RBFOX1: variants seen among roughly 807,000 people sequenced by gnomAD.
RBFOX1 encodes RNA binding fox-1 homolog 1.
A neutral mutation model predicts 57.7 loss-of-function variants in RBFOX1; 8 were observed. That is an observed-to-expected ratio of 0.14 (90% CI 0.08 to 0.25). The LOEUF is 0.25. Ranked by LOEUF, RBFOX1 falls within the 10% of genes least tolerant of loss-of-function variation. RBFOX1 has a pLI of 1.00. For synonymous variants in RBFOX1, 326 were observed against 222.4 expected (o/e 1.47, Z -4.15); for missense variants, 611 against 548.5 (o/e 1.11, Z -1.14).
At chr16:7,029,059 TATATATATATATATATATATATAC>T (rs2041889700) in intron 3 of RBFOX1, among the ~76,000 whole-genome samples, 1 of 30,242 alleles carries the variant, frequency 3.3e-5, no homozygotes, top group African/African-American at 2.4e-4. Context: ...TATATATATA[TATATATATATATATATATATATAC>T]ACACACACAC....
chr16:7,682,499 C>G (rs1002159727), intron 14 of RBFOX1, among the ~76,000 whole-genome samples: 2 of 150,218 alleles, frequency 1.3e-5, no homozygotes, highest in Non-Finnish European at 3.0e-5. Context: ...AGTCATATCT[C>G]TGTGCCATTT....
chr16:5,795,741 A>G (rs1482078157), intron 3 of RBFOX1, among the ~76,000 whole-genome samples: 1 of 152,190 alleles, frequency 6.6e-6, no homozygotes, highest in Non-Finnish European at 1.5e-5. Context: ...ATATACATTC[A>G]TATATCCCTC....
intron 1 of RBFOX1, among the ~76,000 whole-genome samples, chr16:5,381,433 C>A (rs2066128356): frequency 6.6e-6 from 1 of 152,236 alleles, no homozygotes; most frequent in South Asian, 2.1e-4. Flanking sequence ...AGATCTGGCT[C>A]ACGTGCAGAT....
chr16:7,664,979 A>C lies in RBFOX1; in HGVS notation c.930+11A>C. On this transcript the variant is annotated intron_variant, in intron 13 of 15. Coordinates refer to ENST00000550418, the MANE Select transcript of RBFOX1 (RefSeq NM_018723.4). ...GGTGCAGACATTTATGTAAGTATTCATTCACGTGCATGCCATCCCCGTTTC... is the reference window on the plus strand; with the variant it reads ...GGTGCAGACATTTATGTAAGTATTCCTTCACGTGCATGCCATCCCCGTTTC... 1 of 1,613,940 alleles carries C rather than the reference A, an allele frequency of 6.2e-7. No individual in the cohort carries two copies. Among genetic ancestry groups the C allele is most frequent in the Non-Finnish European group, 8.5e-7 (1 of 1,179,838 alleles).
At chr16:5,573,865 G>A (rs1010773533) in intron 2 of RBFOX1, among the ~76,000 whole-genome samples, 2 of 152,130 alleles carry the variant, frequency 1.3e-5, no homozygotes, top group African/African-American at 4.8e-5. Flanking sequence ...GATGTGTGAG[G>A]ATCACCTGAG....
chr16:7,089,876 C>G (rs986031536), intron 4 of RBFOX1, among the ~76,000 whole-genome samples: 1 of 149,414 alleles, frequency 6.7e-6, no homozygotes, highest in African/African-American at 2.5e-5. Flanking sequence ...CTCAAGTATT[C>G]TGTTTACATC....
chr16:6,541,081 G>A (rs528676975), intron 2 of RBFOX1, among the ~76,000 whole-genome samples: 123 of 152,270 alleles, frequency 8.1e-4, no homozygotes, highest in African/African-American at 2.9e-3. Flanking sequence ...AAAGCTCTAA[G>A]ATATTTCCAA....
At chr16:6,500,860 C>T (rs2095889342) in intron 2 of RBFOX1, among the ~76,000 whole-genome samples, 1 of 46,796 alleles carries the variant, frequency 2.1e-5, no homozygotes, top group African/African-American at 4.7e-5. Flanking sequence ...TCTTTTATCT[C>T]AGCCCTTGGG....
intron 2 of RBFOX1, among the ~76,000 whole-genome samples, chr16:5,557,717 T>TAGA (rs2045732498): frequency 6.6e-6 from 1 of 152,054 alleles, no homozygotes; most frequent in Admixed American, 6.5e-5. Flanking sequence ...AACTACTTGG[T>TAGA]AGAAGAGGGT....
intron 3 of RBFOX1, among the ~76,000 whole-genome samples, chr16:5,841,823 A>G (rs1469952515): frequency 1.3e-5 from 2 of 152,212 alleles, no homozygotes; most frequent in Non-Finnish European, 2.9e-5. Flanking sequence ...CTCGCAGACT[A>G]AAAGAATCAG....
chr16:6,277,466 A>AAAAAAAC (rs1387876820), intron 1 of RBFOX1, among the ~76,000 whole-genome samples: 1 of 150,966 alleles, frequency 6.6e-6, no homozygotes, highest in Admixed American at 6.6e-5. Flanking sequence ...CCCAAAAAAA[A>AAAAAAAC]AAAAAAAAAA....
intron 2 of RBFOX1, among the ~76,000 whole-genome samples, chr16:5,586,994 C>G (rs947487405): frequency 6.6e-6 from 1 of 152,122 alleles, no homozygotes; most frequent in Non-Finnish European, 1.5e-5. Context: ...GATGCCCTTC[C>G]CAGAGCAAAT....
At chr16:6,536,661 G>C (rs868407407) in intron 2 of RBFOX1, among the ~76,000 whole-genome samples, 4 of 152,052 alleles carry the variant, frequency 2.6e-5, no homozygotes, top group African/African-American at 7.2e-5. Flanking sequence ...GGCTTGTGAG[G>C]GTTCTTGGAT....
intron 4 of RBFOX1, among the ~76,000 whole-genome samples, chr16:5,918,524 G>A (rs930832807): frequency 6.6e-6 from 1 of 152,172 alleles, no homozygotes; most frequent in African/African-American, 2.4e-5. Flanking sequence ...GATAGTAAGG[G>A]TTAATAGGCC....
chr16:5,844,993 G>C (rs903307308), intron 3 of RBFOX1, among the ~76,000 whole-genome samples: 4 of 151,886 alleles, frequency 2.6e-5, no homozygotes, highest in Non-Finnish European at 4.4e-5. Flanking sequence ...AGGTATATTA[G>C]CCCAGCACTT....
At chr16:5,680,162 C>G (rs566899632) in intron 3 of RBFOX1, among the ~76,000 whole-genome samples, 1 of 152,192 alleles carries the variant, frequency 6.6e-6, no homozygotes, top group South Asian at 2.1e-4. Flanking sequence ...GGTAAAGGTA[C>G]AAAAACACAT....
intron 4 of RBFOX1, among the ~76,000 whole-genome samples, chr16:7,464,650 C>A (rs1437990536): frequency 2.0e-5 from 3 of 150,416 alleles, no homozygotes; most frequent in African/African-American, 4.9e-5. Context: ...TTAATTGGAT[C>A]CCCCCTCCCC....
intron 1 of RBFOX1, among the ~76,000 whole-genome samples, chr16:5,294,018 C>G (rs1196110972): frequency 6.6e-6 from 1 of 152,110 alleles, no homozygotes; most frequent in South Asian, 2.1e-4. Flanking sequence ...CACCTGAGGC[C>G]AGGAGTTCGA....
At chr16:7,562,529 C>T (rs142936227) in intron 5 of RBFOX1, among the ~76,000 whole-genome samples, 144 of 152,242 alleles carry the variant, frequency 9.5e-4, no homozygotes, top group Middle Eastern at 3.4e-3. Context: ...CTGATCAGTG[C>T]CCCAAGTAAC....
Sources: gnomAD v4.1 joint callset for allele counts (sites outside exome capture counted in the v4.1 genomes callset) on GRCh38, gnomAD v4.1.1 for gene constraint, MANE v1.5 for transcripts, NCBI Gene and HGNC (gene_info 2026-07-23, HGNC 2026-07-21) for gene names.